Variants in SORCS1 observed in about 807,000 individuals in gnomAD.
SORCS1 encodes VPS10 domain-containing receptor SorCS1.
SORCS1 carries 60 observed loss-of-function variants against 146.1 expected under a neutral mutation model. The ratio of observed to expected loss-of-function variants is 0.41; its 90% CI spans 0.33 to 0.51. SORCS1 has a LOEUF of 0.51. SORCS1 is among the 20% of genes least tolerant of loss of function. SORCS1 has a pLI of 0.21. For synonymous variants in SORCS1, 637 were observed against 584.0 expected (o/e 1.09, Z -1.31); for missense variants, 1,352 against 1,487.6 (o/e 0.91, Z 1.50).
At chr10:106,693,555 G>A (rs1029020419) in intron 9 of SORCS1, among the ~76,000 whole-genome samples, 6 of 152,132 alleles carry the variant, frequency 3.9e-5, no homozygotes, top group East Asian at 3.9e-4. Flanking sequence ...CATCTACTAC[G>A]TATCATATGA....
At chr10:106,763,305 T>A (rs949931372) in intron 4 of SORCS1, among the ~76,000 whole-genome samples, 1 of 152,278 alleles carries the variant, frequency 6.6e-6, no homozygotes, top group Admixed American at 6.5e-5. Flanking sequence ...TTTGTGGTTC[T>A]TTTTTTCTCT....
At chr10:106,661,506 T>G (rs933511447) in intron 17 of SORCS1, among the ~76,000 whole-genome samples, 1 of 152,212 alleles carries the variant, frequency 6.6e-6, no homozygotes, top group African/African-American at 2.4e-5. Flanking sequence ...GACTGTGGAT[T>G]CATAATAAAA....
At chr10:106,700,335 T>C (rs1372753432) in intron 8 of SORCS1, among the ~76,000 whole-genome samples, 1 of 152,206 alleles carries the variant, frequency 6.6e-6, no homozygotes, top group Non-Finnish European at 1.5e-5. Context: ...TGCTTTCTTC[T>C]TTATGGGATG....
At chr10:106,953,210 T>C (rs554347610) in intron 2 of SORCS1, among the ~76,000 whole-genome samples, 1 of 151,420 alleles carries the variant, frequency 6.6e-6, no homozygotes, top group Non-Finnish European at 1.5e-5. Flanking sequence ...CATCTCTCAG[T>C]ACCTGGAGGG....
At position 106,597,509 on chromosome 10, in the gene SORCS1, A is replaced by C. The variant is rs549441163; in HGVS notation, c.3166-59T>G. ...GTGTCATACTGATTATAAACCAATA[A>C]GCTTAGAAATATTTACTATTTTCAC... is the stretch of plus-strand genomic sequence containing the variant. On this transcript the variant is annotated intron_variant, in intron 23 of 25. Coordinates refer to ENST00000263054, the MANE Select transcript of SORCS1 (RefSeq NM_052918.5). 1,002 of 1,296,822 alleles carry C rather than the reference A, an allele frequency of 7.7e-4. 10 individuals carry two copies. Among genetic ancestry groups the C allele is most frequent in the Middle Eastern group, 3.0e-3 (16 of 5,380 alleles). The allele number at this position is 1,296,822 out of a possible 1,614,324, so 80.3% of individuals were successfully genotyped here.
intron 8 of SORCS1, among the ~76,000 whole-genome samples, chr10:106,700,728 C>G (rs1854078504): frequency 6.6e-6 from 1 of 152,168 alleles, no homozygotes; most frequent in African/African-American, 2.4e-5. Flanking sequence ...ACAAGACTCC[C>G]TATCCTCTTT....
chr10:107,032,076 A>T (rs1027403279), intron 1 of SORCS1, among the ~76,000 whole-genome samples: 1 of 152,176 alleles, frequency 6.6e-6, no homozygotes, highest in Non-Finnish European at 1.5e-5. Flanking sequence ...TAGAGCCAAG[A>T]ACAGACAGCC....
chr10:106,577,350 G>A lies in SORCS1; in HGVS notation c.*70C>T. 6.2e-7 allele frequency: 1 copy of A among 1,612,292 alleles called. No homozygotes were observed. Among genetic ancestry groups the A allele is most frequent in the Non-Finnish European group, 8.5e-7 (1 of 1,179,062 alleles). On this transcript the variant is annotated 3_prime_UTR_variant, in exon 26 of 26. Transcript: ENST00000263054. ...AAACACAAAGTTAGTGGTCATGAAG[G>A]ATGATGTACTTGACAAGAGCGAAAT...
intron 1 of SORCS1, among the ~76,000 whole-genome samples, chr10:106,957,680 CAG>C (rs1166328227): frequency 2.0e-5 from 3 of 152,072 alleles, no homozygotes; most frequent in Admixed American, 1.3e-4. Flanking sequence ...CCATAAGAAA[CAG>C]AGAAAATCAA....
At chr10:107,170,124 TA>T in the SORCS1 span, among the ~76,000 whole-genome samples, 1 of 152,186 alleles carries the variant, frequency 6.6e-6, no homozygotes, top group Non-Finnish European at 1.5e-5. Context: ...TGCATTAACA[TA>T]ACTTTATTAT....
chr10:107,097,699 G>A (rs1049219057), intron 1 of SORCS1, among the ~76,000 whole-genome samples: 1 of 152,090 alleles, frequency 6.6e-6, no homozygotes, highest in African/African-American at 2.4e-5. Context: ...TCTCGATTCT[G>A]GTCACCAAAC....
At chr10:106,816,385 G>A (rs111946229) in intron 3 of SORCS1, among the ~76,000 whole-genome samples, 88 of 152,310 alleles carry the variant, frequency 5.8e-4, no homozygotes, top group African/African-American at 1.9e-3. Flanking sequence ...GCCTAGCAGT[G>A]TGCTGGTAAC....
Position 107,050,611 on chromosome 10 carries a change from G to A in SORCS1, c.559-94031C>T, listed in dbSNP as rs146854111. On this transcript the variant is annotated intron_variant, in intron 1 of 25. Transcript: ENST00000263054. The stretch of plus-strand genomic sequence containing the variant: ...TCTCCTCAAAACTGAATTCTGTATA[G>A]AATTTAATATGCCACAAGTTCATCT... Among the ~76,000 whole-genome samples the A allele has an allele frequency of 5.8e-3, 887 of 152,252 alleles. 5 individuals are homozygous for A. Among genetic ancestry groups the A allele is most frequent in the Non-Finnish European group, 9.1e-3 (620 of 68,008 alleles).
At chr10:106,778,197 C>T (rs890836747) in intron 3 of SORCS1, among the ~76,000 whole-genome samples, 11 of 152,136 alleles carry the variant, frequency 7.2e-5, no homozygotes, top group South Asian at 4.2e-4. Context: ...CTATCCAGGA[C>T]GAATTTAAGG....
chr10:106,758,469 G>A (rs1858828336), intron 5 of SORCS1, among the ~76,000 whole-genome samples: 1 of 152,176 alleles, frequency 6.6e-6, no homozygotes, highest in Non-Finnish European at 1.5e-5. Flanking sequence ...TCATTTGAAA[G>A]TAGGACTTGA....
intron 22 of SORCS1, among the ~76,000 whole-genome samples, chr10:106,611,046 C>T (rs930733425): frequency 4.0e-5 from 6 of 151,894 alleles, no homozygotes; most frequent in Middle Eastern, 3.2e-3. Flanking sequence ...AGTCACTGCA[C>T]TCCAGCCTGG....
intron 23 of SORCS1, among the ~76,000 whole-genome samples, chr10:106,601,412 G>A (rs1441073907): frequency 6.6e-6 from 1 of 152,126 alleles, no homozygotes; most frequent in African/African-American, 2.4e-5. Context: ...CTTGGTATCT[G>A]CCTATTTGGT....
chr10:107,115,227 T>G (rs1458295948), intron 1 of SORCS1, among the ~76,000 whole-genome samples: 1 of 151,740 alleles, frequency 6.6e-6, no homozygotes, highest in Non-Finnish European at 1.5e-5. Context: ...TCCAATGACA[T>G]TTTTCATGAA....
chr10:106,685,389 C>CA (rs1852754436), intron 10 of SORCS1, among the ~76,000 whole-genome samples: 1 of 152,106 alleles, frequency 6.6e-6, no homozygotes, highest in Non-Finnish European at 1.5e-5. Context: ...GCCCACACTT[C>CA]AGCAGGCAAG....
Sources: allele counts gnomAD v4.1 joint callset (sites outside exome capture counted in the v4.1 genomes callset), GRCh38; gene constraint gnomAD v4.1.1; transcripts MANE v1.5; gene names NCBI Gene and HGNC (gene_info 2026-07-23, HGNC 2026-07-21).